The following FOXN3 variants were observed in gnomAD, a reference collection of about 807,000 sequenced individuals.
FOXN3 encodes forkhead box protein N3.
Under a neutral mutation model 38.4 loss-of-function variants are expected in FOXN3, and 7 were observed. That is an observed-to-expected ratio of 0.18 (90% CI 0.10 to 0.34). FOXN3 has a LOEUF of 0.34. Ranked by LOEUF, FOXN3 falls within the 10% of genes least tolerant of loss-of-function variation. The pLI is 1.00. For missense variants in FOXN3, 456 were observed against 613.4 expected, an observed-to-expected ratio of 0.74 and a Z score of 2.71; for synonymous variants, 230 against 242.2, an observed-to-expected ratio of 0.95 and a Z score of 0.47.
At chr14:89,565,361 C>A (rs1566701850) in intron 1 of FOXN3, among the ~76,000 whole-genome samples, 4 of 152,098 alleles carry the variant, frequency 2.6e-5, no homozygotes, top group Admixed American at 2.6e-4. Flanking sequence ...GCTTTCCCAC[C>A]CAGTTTGTGG....
At position 89,485,576 on chromosome 14, in the gene FOXN3, G is replaced by A. The variant is rs116088028; in HGVS notation, c.-14-73086C>T. 9.6e-3 allele frequency among the ~76,000 whole-genome samples: 1,464 copies of A among 152,186 alleles called. 25 individuals are homozygous for A. Among genetic ancestry groups the A allele is most frequent in the African/African-American group, 0.033 (1,387 of 41,530 alleles). On this transcript the variant is annotated intron_variant, in intron 1 of 6. Transcript: ENST00000345097. ...TAATCAGGTAGACAGGCAGAGGCAG[G>A]GTGTGGACAGGCCCAGAGAAGCAGA...
At chr14:89,532,587 A>C (rs1453970097) in intron 1 of FOXN3, among the ~76,000 whole-genome samples, 1 of 152,232 alleles carries the variant, frequency 6.6e-6, no homozygotes, top group African/African-American at 2.4e-5. Context: ...AAATGATCAG[A>C]AAAACACTGC....
At chr14:89,241,194 G>A (rs1885130655) in intron 4 of FOXN3, among the ~76,000 whole-genome samples, 1 of 152,196 alleles carries the variant, frequency 6.6e-6, no homozygotes, top group African/African-American at 2.4e-5. Flanking sequence ...ATGGCTCCAA[G>A]TGCAACCCAA....
At chr14:89,588,273 C>G (rs1037922957) in intron 1 of FOXN3, among the ~76,000 whole-genome samples, 1 of 152,082 alleles carries the variant, frequency 6.6e-6, no homozygotes, top group Non-Finnish European at 1.5e-5. Context: ...CAGACGCCAG[C>G]ATCATGCTTC....
intron 3 of FOXN3, among the ~76,000 whole-genome samples, chr14:89,346,009 C>T (rs1195418149): frequency 2.0e-5 from 3 of 152,162 alleles, no homozygotes; most frequent in Non-Finnish European, 2.9e-5. Flanking sequence ...GCCGAGATCG[C>T]GGCACTGCAC....
chr14:89,422,208 C>T (rs555342751), upstream of FOXN3, among the ~76,000 whole-genome samples: 3 of 152,316 alleles, frequency 2.0e-5, no homozygotes, highest in South Asian at 2.1e-4. Context: ...GTTGAGGGGG[C>T]GTCCACTGGA....
intron 2 of FOXN3, among the ~76,000 whole-genome samples, chr14:89,360,753 ACCACCTCCACCACTACCACCT>A (rs1889486377): frequency 8.9e-6 from 1 of 112,252 alleles, no homozygotes; most frequent in African/African-American, 4.0e-5. Context: ...CACCTCCACC[ACCACCTCCACCACTACCACCT>A]CCACCACCAC....
At chr14:89,570,417 G>C (rs900908513) in intron 1 of FOXN3, among the ~76,000 whole-genome samples, 1 of 151,518 alleles carries the variant, frequency 6.6e-6, no homozygotes, top group Non-Finnish European at 1.5e-5. Flanking sequence ...AGTGTGGAGG[G>C]CAGTTGAAGG....
At chr14:89,581,407 A>C (rs368687518) in intron 1 of FOXN3, among the ~76,000 whole-genome samples, 1 of 151,858 alleles carries the variant, frequency 6.6e-6, no homozygotes, top group South Asian at 2.1e-4. Context: ...ACTTGAACCC[A>C]GGAGGCAGAG....
intron 4 of FOXN3, among the ~76,000 whole-genome samples, chr14:89,207,354 C>T (rs538633157): frequency 6.6e-6 from 1 of 151,890 alleles, no homozygotes; most frequent in South Asian, 2.1e-4. Flanking sequence ...AAACAACTGG[C>T]TAAAAAATTA....
At chr14:89,407,731 GAGGCTA>G (rs1359690502) in intron 2 of FOXN3, among the ~76,000 whole-genome samples, 1 of 152,052 alleles carries the variant, frequency 6.6e-6, no homozygotes, top group Non-Finnish European at 1.5e-5. Flanking sequence ...CCCCCCTTCG[GAGGCTA>G]AGGCTAAGGC....
intron 2 of FOXN3, among the ~76,000 whole-genome samples, chr14:89,372,950 G>A (rs770895035): frequency 2.6e-5 from 4 of 152,140 alleles, no homozygotes; most frequent in Non-Finnish European, 5.9e-5. Context: ...AGGATCGCTT[G>A]AGCCCAGGAG....
intron 3 of FOXN3, among the ~76,000 whole-genome samples, chr14:89,344,847 A>C (rs562721096): frequency 1.3e-5 from 2 of 152,348 alleles, no homozygotes; most frequent in Admixed American, 6.5e-5. Flanking sequence ...GAAACATTAA[A>C]ATACGCATAT....
intron 4 of FOXN3, among the ~76,000 whole-genome samples, chr14:89,261,123 T>C (rs1885786663): frequency 6.6e-6 from 1 of 152,192 alleles, no homozygotes; most frequent in Non-Finnish European, 1.5e-5. Flanking sequence ...AGCAGTGGGT[T>C]GGGGCCAAGT....
intron 1 of FOXN3, among the ~76,000 whole-genome samples, chr14:89,424,525 T>C (rs1891982844): frequency 6.6e-6 from 1 of 152,164 alleles, no homozygotes; most frequent in African/African-American, 2.4e-5. Context: ...TCAAACTTTC[T>C]CTACAAACTC....
At chr14:89,436,896 C>T (rs1176122511) in intron 1 of FOXN3, among the ~76,000 whole-genome samples, 1 of 152,176 alleles carries the variant, frequency 6.6e-6, no homozygotes, top group Non-Finnish European at 1.5e-5. Flanking sequence ...CCTGTAATCC[C>T]AGCATTTTGG....
Position 89,540,121 on chromosome 14 carries a change from A to G in FOXN3, c.-15+78907T>C, listed in dbSNP as rs1358352458. Among the ~76,000 whole-genome samples the G allele has an allele frequency of 2.0e-5, 3 of 152,304 alleles. No homozygotes were observed. The East Asian group carries it at 5.8e-4, about 29-fold the overall frequency. On this transcript the variant is annotated intron_variant, in intron 1 of 6. Transcript: ENST00000345097. ...GTTGTTTTCTCACGCCACTCCTTCA[A>G]ATTGGTGTTTGCAGCATGGTAGTAG...
chr14:89,344,267 G>GA lies in FOXN3; in HGVS notation c.680+6404dup, dbSNP rs58685122. On this transcript the variant is annotated intron_variant, in intron 3 of 5. Coordinates refer to ENST00000557258, the MANE Select transcript of FOXN3 (RefSeq NM_005197.4). ...GCAAAAAAAGGGAAAGCTCATTAAA[G>GA]AAAAAAAAAAAAAAACCATCTCACT... Among the ~76,000 whole-genome samples the GA allele has an allele frequency of 2.7e-3, 351 of 130,658 alleles. 1 individual carries two copies. The highest frequency in any genetic ancestry group is 4.8e-3 in the South Asian group (19 of 3,986). The allele number at this position is 130,658 out of a possible 152,430, so 85.7% of individuals were successfully genotyped here.
intron 1 of FOXN3, among the ~76,000 whole-genome samples, chr14:89,493,442 TCA>T (rs1893620808): frequency 6.6e-6 from 1 of 152,298 alleles, no homozygotes; most frequent in East Asian, 1.9e-4. Context: ...GGTTGCAAAG[TCA>T]CACACTTACA....
Sources: allele counts gnomAD v4.1 joint callset (sites outside exome capture counted in the v4.1 genomes callset), GRCh38; gene constraint gnomAD v4.1.1; transcripts MANE v1.5; gene names NCBI Gene and HGNC (gene_info 2026-07-23, HGNC 2026-07-21).